Variants in AGBL1 observed in about 807,000 individuals in gnomAD.
AGBL1 encodes the protein cytosolic carboxypeptidase 4.
A neutral mutation model predicts 118.9 loss-of-function variants in AGBL1; 130 were observed. That is an observed-to-expected ratio of 1.09 (90% CI 0.95 to 1.26). The LOEUF is 1.26. Ranked by LOEUF, AGBL1 falls within the 50% of genes most tolerant of loss-of-function variation. The pLI is 0.00. For synonymous variants in AGBL1, 555 were observed against 478.9 expected (o/e 1.16, Z -2.08); for missense variants, 1,584 against 1,298.1 (o/e 1.22, Z -3.38).
chr15:86,201,547 C>T (rs2077907217), intron 5 of AGBL1, among the ~76,000 whole-genome samples: 1 of 152,110 alleles, frequency 6.6e-6, no homozygotes, highest in Non-Finnish European at 1.5e-5. Context: ...GTTGACAGAT[C>T]CTTTCCCTCT....
intron 21 of AGBL1, among the ~76,000 whole-genome samples, chr15:86,592,586 T>C (rs2084352908): frequency 6.6e-6 from 1 of 152,214 alleles, no homozygotes; most frequent in Non-Finnish European, 1.5e-5. Context: ...GCAGTGTGTT[T>C]ACTGAAGTTG....
chr15:86,970,046 C>G (rs577066234), intron 23 of AGBL1, among the ~76,000 whole-genome samples: 2 of 151,846 alleles, frequency 1.3e-5, no homozygotes, highest in South Asian at 2.1e-4. Flanking sequence ...CCAGAATAAG[C>G]AAAATAAGAC....
chr15:86,921,978 C>G (rs1160917926), intron 23 of AGBL1, among the ~76,000 whole-genome samples: 1 of 152,068 alleles, frequency 6.6e-6, no homozygotes, highest in Non-Finnish European at 1.5e-5. Context: ...CTGCACAGGT[C>G]TATATAAAAA....
At chr15:86,397,142 G>T (rs2081377180) in intron 17 of AGBL1, among the ~76,000 whole-genome samples, 1 of 151,654 alleles carries the variant, frequency 6.6e-6, no homozygotes, top group South Asian at 2.1e-4. Flanking sequence ...CTTCAAAAAG[G>T]CTACGGTTTT....
At chr15:86,145,732 T>G (rs529414963) in intron 3 of AGBL1, among the ~76,000 whole-genome samples, 37 of 152,356 alleles carry the variant, frequency 2.4e-4, no homozygotes, top group Non-Finnish European at 4.9e-4. Flanking sequence ...ATTTACTGCA[T>G]GTCTCCTAGG....
intron 22 of AGBL1, among the ~76,000 whole-genome samples, chr15:86,803,725 G>A (rs1266676756): frequency 6.6e-6 from 1 of 152,104 alleles, no homozygotes; most frequent in Non-Finnish European, 1.5e-5. Flanking sequence ...GAAAGAGACT[G>A]GGAAAGATAT....
At chr15:86,764,389 A>G (rs1242704135) in intron 22 of AGBL1, among the ~76,000 whole-genome samples, 5 of 152,014 alleles carry the variant, frequency 3.3e-5, no homozygotes, top group Non-Finnish European at 7.4e-5. Flanking sequence ...TAGGAAGGCA[A>G]GATAGGAATA....
chr15:86,304,332 A>G (rs1196279291), intron 17 of AGBL1, among the ~76,000 whole-genome samples: 1 of 152,026 alleles, frequency 6.6e-6, no homozygotes, highest in Non-Finnish European at 1.5e-5. Flanking sequence ...CTTTTTCTCC[A>G]TAGCTATGCA....
chr15:86,982,499 T>G (rs184192531), intron 23 of AGBL1, among the ~76,000 whole-genome samples: 1 of 151,288 alleles, frequency 6.6e-6, no homozygotes, highest in Non-Finnish European at 1.5e-5. Context: ...TACTTATACA[T>G]GGATTCTTTT....
chr15:86,512,141 G>A (rs1035973964), intron 18 of AGBL1, among the ~76,000 whole-genome samples: 9 of 151,856 alleles, frequency 5.9e-5, no homozygotes, highest in Non-Finnish European at 8.8e-5. Context: ...ACACTATCTT[G>A]TCTTTAAAGT....
At chr15:86,244,552 A>G (rs2078691051) in intron 6 of AGBL1, among the ~76,000 whole-genome samples, 1 of 152,202 alleles carries the variant, frequency 6.6e-6, no homozygotes, top group Non-Finnish European at 1.5e-5. Flanking sequence ...GCTATTTTAA[A>G]TGTTAGTAAA....
chr15:86,869,451 T>C (rs561069336), intron 22 of AGBL1, among the ~76,000 whole-genome samples: 1 of 152,258 alleles, frequency 6.6e-6, no homozygotes, highest in South Asian at 2.1e-4. Context: ...GCAATAAACA[T>C]GTAGATGTTT....
chr15:86,584,084 G>C (rs2084212395), intron 21 of AGBL1, among the ~76,000 whole-genome samples: 1 of 152,038 alleles, frequency 6.6e-6, no homozygotes, highest in African/African-American at 2.4e-5. Context: ...CTGGATATTA[G>C]ACCTTTGTTG....
intron 21 of AGBL1, among the ~76,000 whole-genome samples, chr15:86,564,121 C>T (rs143741152): frequency 3.4e-4 from 51 of 152,182 alleles, no homozygotes; most frequent in African/African-American, 1.2e-3. Context: ...GAGAATTTAG[C>T]CCATTTATAT....
chr15:86,846,007 C>T (rs1437327692), intron 22 of AGBL1, among the ~76,000 whole-genome samples: 1 of 152,212 alleles, frequency 6.6e-6, no homozygotes, highest in Non-Finnish European at 1.5e-5. Context: ...AGACTGTCTC[C>T]TTCAGTTTGC....
At chr15:86,529,874 G>A (rs2083324556) in intron 19 of AGBL1, among the ~76,000 whole-genome samples, 2 of 143,112 alleles carry the variant, frequency 1.4e-5, no homozygotes, top group Admixed American at 1.4e-4. Flanking sequence ...CATAAGTGAA[G>A]GAGAAATAAA....
At chr15:86,663,730 CA>C (rs1205321884) in intron 21 of AGBL1, among the ~76,000 whole-genome samples, 6 of 152,090 alleles carry the variant, frequency 3.9e-5, no homozygotes, top group Non-Finnish European at 8.8e-5. Flanking sequence ...TCTTGGTAAA[CA>C]AATCCATGAA....
chr15:86,841,694 A>G (rs1485675226), intron 22 of AGBL1, among the ~76,000 whole-genome samples: 2 of 152,056 alleles, frequency 1.3e-5, no homozygotes, highest in African/African-American at 2.4e-5. Context: ...TAAAAACACA[A>G]AAATTATCTG....
intron 21 of AGBL1, among the ~76,000 whole-genome samples, chr15:86,555,737 T>C (rs913771147): frequency 1.3e-5 from 2 of 152,192 alleles, no homozygotes; most frequent in Non-Finnish European, 2.9e-5. Flanking sequence ...TACTTACTTC[T>C]AGGAACCTAT....
Sources: allele counts gnomAD v4.1 joint callset (sites outside exome capture counted in the v4.1 genomes callset), GRCh38; gene constraint gnomAD v4.1.1; transcripts MANE v1.5; gene names NCBI Gene and HGNC (gene_info 2026-07-23, HGNC 2026-07-21).